Variants in ZNF614 observed in about 807,000 individuals in gnomAD.
ZNF614 encodes the protein zinc finger protein 614.
In ZNF614, 11 loss-of-function variants were observed where a neutral mutation model predicts 12.8. The ratio of observed to expected loss-of-function variants is 0.86; its 90% CI spans 0.54 to 1.43. ZNF614 has a LOEUF of 1.43. ZNF614 is among the 40% of genes most tolerant of loss of function. The pLI, the probability that ZNF614 is intolerant of heterozygous loss-of-function variation, is 0.00. For synonymous variants in ZNF614, 237 were observed against 237.5 expected (o/e 1.00, Z 0.02); for missense variants, 664 against 708.8 (o/e 0.94, Z 0.72).
intron 2 of ZNF614, among the ~76,000 whole-genome samples, chr19:52,022,259 T>A (rs1407047168): frequency 6.6e-6 from 1 of 152,208 alleles, no homozygotes; most frequent in East Asian, 1.9e-4. Context: ...AAGGGTTCAA[T>A]CCTACAAGAC....
chr19:52,025,347 G>T (rs2086964248), intron 2 of ZNF614, among the ~76,000 whole-genome samples: 1 of 151,974 alleles, frequency 6.6e-6, no homozygotes, highest in East Asian at 1.9e-4. Flanking sequence ...TTGAGACAGG[G>T]TCTTACTTTG....
In ZNF614 at chr19:52,016,409, T is replaced by G. The variant is rs763522283; in HGVS notation, c.1189A>C (p.Lys397Gln). 6.2e-7 allele frequency: 1 copy of G among 1,614,196 alleles called. No individual in the cohort carries two copies. The highest frequency in any genetic ancestry group is 1.3e-5 in the African/African-American group (1 of 75,058). Residue 397 changes from lysine (K) to glutamine (Q), a missense_variant, in exon 5 of 5, where the codon AAA (lysine) becomes CAA (glutamine). Physicochemically the swap from Lys to Gln is moderately conservative, Grantham distance 53 (BLOSUM62 1). Transcript: ENST00000270649. ...IVHQRSHTGE[K>Q]SYICSECGKG... ...CCACATTCGCTGCATATGTAAGATTTTTCTCCTGTGTGGGAGCGCTGATGT... is the reference window on the plus strand; with the variant it reads ...CCACATTCGCTGCATATGTAAGATTGTTCTCCTGTGTGGGAGCGCTGATGT...
chr19:52,017,342 T>C lies in ZNF614; in HGVS notation c.256A>G (p.Ser86Gly), dbSNP rs199692629. The C allele has an allele frequency of 1.2e-4, 186 of 1,597,080 alleles. 3 individuals carry two copies. The Admixed American group carries it at 3.2e-3, about 27-fold the overall frequency. ...TTTGGAGAGTGCTCTTGCAGATGAC[T>C]GTCAACTTTCCCGATTCCTAAGAAA... The part of the protein sequence containing the change: ...KNCPGIGKVD[S>G]HLQEHSPNQR... The change falls in exon 5 of 5, where the codon AGT becomes GGT. Residue 86 changes from serine (S) to glycine (G), a missense_variant. Ser to Gly is a moderately conservative substitution (Grantham distance 56). Transcript: ENST00000270649.
rs538235131 is a variant in ZNF614 at position 52,016,455 on chromosome 19, G to A, written c.1143C>T (p.Thr381=). The change falls in exon 5 of 5, where the codon ACC becomes ACT. Residue 381 remains threonine (T), a synonymous_variant. Coordinates refer to ENST00000270649, the MANE Select transcript of ZNF614 (RefSeq NM_025040.4). The part of the protein sequence containing the change: ...YMCSECGKGF[T]VKSNLIVHQR... ...GATGTACAATGAGATTGCTCTTCAC[G>A]GTAAAGCCTTTTCCACATTCACTGC... 1.2e-5 allele frequency: 19 copies of A among 1,613,830 alleles called. No individual in the cohort carries two copies. Among genetic ancestry groups the A allele is most frequent in the East Asian group, 1.1e-4 (5 of 44,862 alleles).
rs898719458 is a variant in ZNF614 at position 52,013,561 on chromosome 19, C to T, written c.*2279G>A. On this transcript the variant is annotated 3_prime_UTR_variant, in exon 5 of 5. Transcript: ENST00000270649. ...CAAAAATGCCAAAAGCTTACATACT[C>T]TCTATCAATAAAAATTCATATAACT... is the stretch of plus-strand genomic sequence containing the variant. 9 of 151,922 alleles carry T rather than the reference C, an allele frequency of 5.9e-5. No homozygotes were observed. Among genetic ancestry groups the T allele is most frequent in the Non-Finnish European group, 1.2e-4 (8 of 67,988 alleles). The allele number at this position is 151,922 out of a possible 1,614,324, so 9.4% of individuals were successfully genotyped here. A position where few individuals can be genotyped will look rare whatever the true frequency, so the allele number is the denominator to read the frequency against.
Position 52,016,146 on chromosome 19 carries a change from T to G in ZNF614, c.1452A>C (p.Val484=), listed in dbSNP as rs762724681. Residue 484 remains valine (V), a synonymous_variant, in exon 5 of 5, where the codon GTA becomes GTC. Coordinates refer to ENST00000270649, the MANE Select transcript of ZNF614 (RefSeq NM_025040.4). ...AATAGGATTTTCCGCACTCGGTACATACAAAGGGAGTCTTTCCTGTATGAC... is the reference window on the plus strand; with the variant it reads ...AATAGGATTTTCCGCACTCGGTACAGACAAAGGGAGTCTTTCCTGTATGAC... ...ERCHTGKTPF[V]CTECGKSYSH... 6.2e-7 allele frequency: 1 copy of G among 1,614,128 alleles called. No individual in the cohort carries two copies. Among genetic ancestry groups the G allele is most frequent in the South Asian group, 1.1e-5 (1 of 91,088 alleles).
Position 52,016,931 on chromosome 19 carries a change from G to A in ZNF614, c.667C>T (p.His223Tyr). 1.2e-6 allele frequency: 2 copies of A among 1,613,732 alleles called. No homozygotes were observed. Among genetic ancestry groups the A allele is most frequent in the Admixed American group, 1.7e-5 (1 of 60,004 alleles). ...TFLRKSQLIY[H>Y]ENICIQENPG... is the part of the protein sequence containing the mutation. ...TTCTCTTGTATACAAATGTTCTCAT[G>A]GTAAATGAGCTGAGACTTCCTAAGG... is the stretch of plus-strand genomic sequence containing the variant. Residue 223 changes from histidine to tyrosine, a missense_variant, in exon 5 of 5, where the codon CAT becomes TAT. Transcript: ENST00000270649.
chr19:52,016,531 C>A lies in ZNF614; in HGVS notation c.1067G>T (p.Arg356Leu). Residue 356 changes from arginine (R) to leucine (L), a missense_variant, in exon 5 of 5, where the codon CGC becomes CTC. Physicochemically the swap from Arg to Leu is moderately radical, Grantham distance 102. Transcript: ENST00000270649. ...SECGKGFTMKRYLVVHQRTHT... is the reference protein window; with the variant it reads ...SECGKGFTMKLYLVVHQRTHT... ...AGTTCGCTGATGTACAACAAGATAG[C>A]GCTTCATGGTGAAGCCTTTTCCACA... 6.2e-7 allele frequency: 1 copy of A among 1,613,988 alleles called. No homozygotes were observed. The highest frequency in any genetic ancestry group is 1.1e-5 in the South Asian group (1 of 91,072).
chr19:52,027,493 T>C (rs1427785205), intron 1 of ZNF614, among the ~76,000 whole-genome samples: 1 of 152,214 alleles, frequency 6.6e-6, no homozygotes, highest in Non-Finnish European at 1.5e-5. Flanking sequence ...CCAAATTGTC[T>C]ATCCTAATAA....
Position 52,016,928 on chromosome 19 carries a change from C to T in ZNF614, c.670G>A (p.Glu224Lys), listed in dbSNP as rs2086902183. The T allele has an allele frequency of 6.2e-7, 1 of 1,613,806 alleles. No homozygotes were observed. ...GGATTCTCTTGTATACAAATGTTCTCATGGTAAATGAGCTGAGACTTCCTA... is the reference window on the plus strand; with the variant it reads ...GGATTCTCTTGTATACAAATGTTCTTATGGTAAATGAGCTGAGACTTCCTA... Reference protein sequence around the residue: ...FLRKSQLIYHENICIQENPGS... With the variant: ...FLRKSQLIYHKNICIQENPGS... Residue 224 changes from glutamate (E) to lysine (K), a missense_variant, in exon 5 of 5, where the codon GAG becomes AAG. Glu to Lys is a moderately conservative substitution (Grantham distance 56, BLOSUM62 1). Transcript: ENST00000270649.
At chr19:52,022,111 G>A (rs2086936175) in intron 2 of ZNF614, among the ~76,000 whole-genome samples, 1 of 152,164 alleles carries the variant, frequency 6.6e-6, no homozygotes, top group South Asian at 2.1e-4. Flanking sequence ...GTAAGTGTTG[G>A]CAAGATTTGC....
chr19:52,018,188 A>G, intron 3 of ZNF614, 85 bp from the exon 4 acceptor site: 1 of 1,462,184 alleles, frequency 6.8e-7, no homozygotes, highest in Non-Finnish European at 9.6e-7. Context: ...CGATGAAGAA[A>G]ACAATTTCAA....
Position 52,015,956 on chromosome 19 carries a change from A to C in ZNF614, c.1642T>G (p.Phe548Val), listed in dbSNP as rs1173337528. 2 of 1,614,202 alleles carry C rather than the reference A, an allele frequency of 1.2e-6. No homozygotes were observed. Among genetic ancestry groups the C allele is most frequent in the Non-Finnish European group, 8.5e-7 (1 of 1,180,022 alleles). The change falls in exon 5 of 5, where the codon TTC (phenylalanine) becomes GTC (valine). Residue 548 changes from phenylalanine to valine, a missense_variant. Transcript: ENST00000270649. ...PYGCSDCEKA[F>V]SHLSNLVKHK... is the part of the protein sequence containing the mutation. ...TTGACAAGGTTTGATAAGTGGGAGAAGGCTTTCTCACAATCACTGCATCCA... is the reference window on the plus strand; with the variant it reads ...TTGACAAGGTTTGATAAGTGGGAGACGGCTTTCTCACAATCACTGCATCCA...
chr19:52,018,525 A>G, intron 2 of ZNF614, 31 bp from the exon 3 acceptor site: 7 of 1,596,354 alleles, frequency 4.4e-6, no homozygotes, highest in African/African-American at 1.3e-5. Context: ...TCAATATGAT[A>G]TAAACTCCTA....
intron 2 of ZNF614, among the ~76,000 whole-genome samples, chr19:52,022,592 AT>A (rs1016733702): frequency 1.1e-4 from 16 of 150,178 alleles, no homozygotes; most frequent in African/African-American, 3.2e-4. Flanking sequence ...AGAATATATA[AT>A]TTAAAAAAAA....
At chr19:52,017,474 C>T (rs796925205) in intron 4 of ZNF614, 115 bp from the exon 5 acceptor site, 14 of 945,498 alleles carry the variant, frequency 1.5e-5, no homozygotes, top group Admixed American at 5.8e-5. Flanking sequence ...GAGGCTGAGG[C>T]GGGCAGATCA....
At chr19:52,018,573 TTTCACAATACAGCCTGC>T in intron 2 of ZNF614, 79 bp from the exon 3 acceptor site, 2 of 1,416,262 alleles carry the variant, frequency 1.4e-6, no homozygotes, top group Non-Finnish European at 1.9e-6. Flanking sequence ...TTTTAAAAAT[TTTCACAATACAGCCTGC>T]ATCTATATTC....
rs761165088 is a variant in ZNF614, at chr19:52,016,657, G to A, written c.941C>T (p.Pro314Leu). Residue 314 changes from proline to leucine, a missense_variant, in exon 5 of 5, where the codon CCT becomes CTT. Transcript: ENST00000270649. ...TTTTCCACATTCTTTGCACACATAA[G>A]GTTTCTCTCCACTATGAGTTCGCTG... ...AHQRTHSGEK[P>L]YVCKECGKGF... 3.7e-6 allele frequency: 6 copies of A among 1,614,048 alleles called. No homozygotes were observed. Among genetic ancestry groups the A allele is most frequent in the Non-Finnish European group, 5.1e-6 (6 of 1,180,044 alleles).
intron 2 of ZNF614, among the ~76,000 whole-genome samples, chr19:52,024,769 C>T (rs2086959662): frequency 6.6e-6 from 1 of 152,208 alleles, no homozygotes; most frequent in African/African-American, 2.4e-5. Flanking sequence ...AGGGACACAA[C>T]ACACTGCAGA....
Sources: allele counts gnomAD v4.1 joint callset (sites outside exome capture counted in the v4.1 genomes callset), GRCh38; gene constraint gnomAD v4.1.1; transcripts MANE v1.5; gene names NCBI Gene and HGNC (gene_info 2026-07-23, HGNC 2026-07-21).